The following PSMD14 variants were observed in gnomAD, a reference collection of about 807,000 sequenced individuals.
PSMD14 encodes the protein ubiquitin C-terminal hydrolase PSMD14.
In PSMD14, 7 loss-of-function variants were observed where a neutral mutation model predicts 41.2. That is an observed-to-expected ratio of 0.17 (90% CI 0.10 to 0.32). PSMD14 has a LOEUF of 0.32. PSMD14 is among the 10% of genes least tolerant of loss of function. The probability of loss-of-function intolerance (pLI) is 1.00; values close to 1 mark genes in which losing one functional copy is unlikely to be tolerated. For missense variants in PSMD14, 139 were observed against 375.6 expected, an observed-to-expected ratio of 0.37 and a Z score of 5.21; for synonymous variants, 114 against 122.3, an observed-to-expected ratio of 0.93 and a Z score of 0.45.
intron 3 of PSMD14, among the ~76,000 whole-genome samples, chr2:161,341,956 A>G (rs1682969852): frequency 6.6e-6 from 1 of 151,788 alleles, no homozygotes; most frequent in South Asian, 2.1e-4. Context: ...TCACAAACAT[A>G]TTCTCTTTTC....
chr2:161,341,353 A>G, intron 3 of PSMD14: 3 of 998,460 alleles, frequency 3.0e-6, no homozygotes, highest in Non-Finnish European at 3.6e-6. Flanking sequence ...AGTGCCGGCC[A>G]GCTGCGACCC....
chr2:161,345,390 A>G (rs945370323), intron 3 of PSMD14, among the ~76,000 whole-genome samples: 1 of 151,412 alleles, frequency 6.6e-6, no homozygotes, highest in African/African-American at 2.4e-5. Flanking sequence ...CCACAGGTGC[A>G]TGCCACTATG....
intron 3 of PSMD14, among the ~76,000 whole-genome samples, chr2:161,366,705 A>T (rs1224704222): frequency 6.6e-6 from 1 of 152,194 alleles, no homozygotes; most frequent in Non-Finnish European, 1.5e-5. Context: ...AATCACATTT[A>T]TAAGATTATA....
At chr2:161,321,512 C>G (rs967050292) in intron 3 of PSMD14, among the ~76,000 whole-genome samples, 2 of 152,114 alleles carry the variant, frequency 1.3e-5, no homozygotes, top group Non-Finnish European at 1.5e-5. Flanking sequence ...TGACACAAAC[C>G]TGGCGGTTAC....
intron 3 of PSMD14, among the ~76,000 whole-genome samples, chr2:161,339,129 G>C (rs972704358): frequency 1.3e-5 from 2 of 152,166 alleles, no homozygotes; most frequent in African/African-American, 4.8e-5. Flanking sequence ...GTATGGACAG[G>C]TGTTTTTATT....
chr2:161,369,603 A>C (rs576505727), intron 5 of PSMD14, among the ~76,000 whole-genome samples: 16 of 152,232 alleles, frequency 1.1e-4, no homozygotes, highest in African/African-American at 3.6e-4. Flanking sequence ...ACAGTACTCT[A>C]TCGCCAGAGA....
intron 9 of PSMD14, among the ~76,000 whole-genome samples, chr2:161,392,304 TAGTGAGACCGCTGTCA>T (rs1408751574): frequency 6.6e-6 from 1 of 152,206 alleles, no homozygotes; most frequent in Admixed American, 6.5e-5. Flanking sequence ...AAGTTTTGGT[TAGTGAGACCGCTGTCA>T]AGTCAGAAAG....
At chr2:161,324,596 C>T (rs1313685780) in intron 3 of PSMD14, among the ~76,000 whole-genome samples, 1 of 150,500 alleles carries the variant, frequency 6.6e-6, no homozygotes, top group Non-Finnish European at 1.5e-5. Context: ...ACTTTTTTCC[C>T]CTAGGTGTTG....
chr2:161,332,119 T>C (rs1682802323), intron 3 of PSMD14, among the ~76,000 whole-genome samples: 1 of 152,194 alleles, frequency 6.6e-6, no homozygotes, highest in South Asian at 2.1e-4. Context: ...TTAAAATTTT[T>C]GGGAAATTAA....
chr2:161,364,881 A>G (rs1683338269), intron 3 of PSMD14, among the ~76,000 whole-genome samples: 1 of 152,048 alleles, frequency 6.6e-6, no homozygotes, highest in South Asian at 2.1e-4. Context: ...AGGCGGGTGG[A>G]TTGCTTGAGC....
intron 7 of PSMD14, among the ~76,000 whole-genome samples, chr2:161,376,739 T>G (rs1683508267): frequency 6.6e-6 from 1 of 151,994 alleles, no homozygotes; most frequent in African/African-American, 2.4e-5. Context: ...TTTTGTATTT[T>G]ATTCATCTGT....
At chr2:161,367,931 A>G in intron 5 of PSMD14, 28 bp downstream of exon 5, 1 of 1,596,494 alleles carries the variant, frequency 6.3e-7, no homozygotes. Context: ...TGCCTGCTGC[A>G]AGTAAATGTG....
chr2:161,395,531 G>T (rs986687304), intron 10 of PSMD14, among the ~76,000 whole-genome samples: 20 of 152,068 alleles, frequency 1.3e-4, no homozygotes, highest in African/African-American at 4.8e-4. Context: ...ATTATTTAGG[G>T]TATTTTTTTC....
chr2:161,410,227 A>G (rs1055907883), intron 11 of PSMD14, among the ~76,000 whole-genome samples: 3 of 152,064 alleles, frequency 2.0e-5, no homozygotes, highest in Non-Finnish European at 2.9e-5. Flanking sequence ...TTCACCTAAA[A>G]TGCCCTAAGA....
At chr2:161,341,193 G>A in intron 3 of PSMD14, 3 of 956,164 alleles carry the variant, frequency 3.1e-6, no homozygotes, top group Non-Finnish European at 3.7e-6. Flanking sequence ...GGCCGGGGGC[G>A]CGGGTTCCGG....
At chr2:161,331,317 C>T (rs182144969) in intron 3 of PSMD14, among the ~76,000 whole-genome samples, 10 of 150,976 alleles carry the variant, frequency 6.6e-5, no homozygotes, top group African/African-American at 2.2e-4. Context: ...GGCTAGAGTG[C>T]GGTGGTGCGA....
chr2:161,334,390 T>C (rs1046216139), intron 3 of PSMD14, among the ~76,000 whole-genome samples: 1 of 152,246 alleles, frequency 6.6e-6, no homozygotes, highest in African/African-American at 2.4e-5. Context: ...CCACAGTGTC[T>C]TTTTTGTTCG....
intron 3 of PSMD14, among the ~76,000 whole-genome samples, chr2:161,362,689 T>C (rs908716734): frequency 8.5e-5 from 13 of 152,234 alleles, no homozygotes; most frequent in African/African-American, 2.9e-4. Flanking sequence ...TTTTCTGCCA[T>C]CTAATGTTGC....
chr2:161,352,404 C>T lies in PSMD14; in HGVS notation c.49-15074C>T, dbSNP rs563360975. Reference sequence around the variant, plus strand: ...ATTGCTTATTTACTTTCTGGGGAGGCGCTTTGAAATAGGGCCTTGCTTTTA... The same window carrying T: ...ATTGCTTATTTACTTTCTGGGGAGGTGCTTTGAAATAGGGCCTTGCTTTTA... On this transcript the variant is annotated intron_variant, in intron 3 of 11. Coordinates refer to ENST00000409682, the MANE Select transcript of PSMD14 (RefSeq NM_005805.6). 5.9e-5 allele frequency among the ~76,000 whole-genome samples: 9 copies of T among 152,220 alleles called. No individual in the cohort carries two copies. In the East Asian group the frequency reaches 9.7e-4, roughly 16 times the overall value.
Sources: gnomAD v4.1 joint callset for allele counts (sites outside exome capture counted in the v4.1 genomes callset) on GRCh38, gnomAD v4.1.1 for gene constraint, MANE v1.5 for transcripts, NCBI Gene and HGNC (gene_info 2026-07-23, HGNC 2026-07-21) for gene names.